The following SAFB2 variants were observed in gnomAD, a reference collection of about 807,000 sequenced individuals.
SAFB2 encodes the protein scaffold attachment factor B2.
A neutral mutation model predicts 100.6 loss-of-function variants in SAFB2; 32 were observed. The ratio of observed to expected loss-of-function variants is 0.32; its 90% CI spans 0.24 to 0.43. SAFB2 has a LOEUF of 0.43. Among genes scored for constraint, SAFB2 ranks in the 20% least tolerant of loss-of-function variants. The probability of loss-of-function intolerance (pLI) is 1.00; values close to 1 mark genes in which losing one functional copy is unlikely to be tolerated. For synonymous variants in SAFB2, 500 were observed against 439.4 expected (o/e 1.14, Z -1.72); for missense variants, 1,185 against 1,163.4 (o/e 1.02, Z -0.27).
At position 5,592,786 on chromosome 19, in the gene SAFB2, T is replaced by C. The variant is rs781245940; in HGVS notation, c.2309A>G (p.His770Arg). The C allele has an allele frequency of 6.2e-7, 1 of 1,614,210 alleles. No individual in the cohort carries two copies. The highest frequency in any genetic ancestry group is 1.1e-5 in the South Asian group (1 of 91,076). ...GTCCTGGTACTGGCCCCGGTCTCGA[T>C]GATCGAAGTCGTGAAAGCGGTGGTC... Reference protein sequence around the residue: ...RPDHRFHDFDHRDRGQYQDHA... With the variant: ...RPDHRFHDFDRRDRGQYQDHA... Residue 770 changes from histidine to arginine, a missense_variant, in exon 16 of 21, where the codon CAT becomes CGT. Transcript: ENST00000252542.
intron 1 of SAFB2, 98 bp from the exon 2 acceptor site, chr19:5,621,494 G>A (rs879103166): frequency 2.0e-5 from 17 of 846,760 alleles, no homozygotes; most frequent in Middle Eastern, 4.4e-4. Context: ...AGGCAAACCC[G>A]TCCTTGCAAA....
chr19:5,592,445 C>G (rs2052429986), intron 16 of SAFB2, among the ~76,000 whole-genome samples: 1 of 152,216 alleles, frequency 6.6e-6, no homozygotes, highest in Non-Finnish European at 1.5e-5. Flanking sequence ...GTTGTGCTGA[C>G]AAACACTGCT....
chr19:5,589,173 T>C (rs1218082969), intron 18 of SAFB2, among the ~76,000 whole-genome samples: 1 of 152,206 alleles, frequency 6.6e-6, no homozygotes, highest in South Asian at 2.1e-4. Context: ...GGTGACCCGA[T>C]GGCGCCCAGC....
chr19:5,610,308 A>C, intron 8 of SAFB2: 1 of 596,046 alleles, frequency 1.7e-6, no homozygotes, highest in Non-Finnish European at 3.0e-6. Context: ...AATCATGCCC[A>C]TGTCAGTTAT....
At chr19:5,614,179 C>T (rs1210134899) in intron 4 of SAFB2, among the ~76,000 whole-genome samples, 1 of 152,194 alleles carries the variant, frequency 6.6e-6, no homozygotes, top group South Asian at 2.1e-4. Flanking sequence ...TCTTGAACTC[C>T]TGACCTCAGG....
chr19:5,606,175 G>GT (rs917599945), intron 9 of SAFB2, among the ~76,000 whole-genome samples: 12 of 152,238 alleles, frequency 7.9e-5, no homozygotes, highest in African/African-American at 2.9e-4. Context: ...CTGCCCAGTG[G>GT]TGAGACAAAA....
chr19:5,594,021 G>A lies in SAFB2; in HGVS notation c.2077C>T (p.Arg693Cys), dbSNP rs1568209555. ...TCCTTCCTGCGCTCACGCTCCACGC[G>A]CATGCGCTCGCGCTCCAGCCGCTCC... ...ERERLERERMRVERERRKEQE... is the reference protein window; with the variant it reads ...ERERLERERMCVERERRKEQE... The change falls in exon 15 of 21, where the codon CGC becomes TGC. Residue 693 changes from arginine to cysteine, a missense_variant. Arg to Cys is a radical substitution (Grantham distance 180). Around this residue, in one of 3 missense-constraint regions of SAFB2, gnomAD observed 740 missense variants for 687.1 expected, o/e 1.08. Transcript: ENST00000252542. 2.6e-6 allele frequency: 4 copies of A among 1,566,276 alleles called. No homozygotes were observed. Among genetic ancestry groups the A allele is most frequent in the Non-Finnish European group, 2.6e-6 (3 of 1,163,026 alleles).
chr19:5,592,803 G>A lies in SAFB2; in HGVS notation c.2292C>T (p.Arg764=). ...GGTCTCGATGATCGAAGTCGTGAAAGCGGTGGTCTGGCCGGGGAAAGTCTG... is the reference window on the plus strand; with the variant it reads ...GGTCTCGATGATCGAAGTCGTGAAAACGGTGGTCTGGCCGGGGAAAGTCTG... ...YRADFPRPDH[R]FHDFDHRDRG... Residue 764 remains arginine (R), a synonymous_variant, in exon 16 of 21, where the codon CGC becomes CGT. Coordinates refer to ENST00000252542, the MANE Select transcript of SAFB2 (RefSeq NM_014649.3). 1 of 1,614,206 alleles carries A rather than the reference G, an allele frequency of 6.2e-7. No individual in the cohort carries two copies. The highest frequency in any genetic ancestry group is 1.3e-5 in the African/African-American group (1 of 75,070).
chr19:5,589,425 G>A (rs1279006792), intron 18 of SAFB2, among the ~76,000 whole-genome samples: 5 of 152,194 alleles, frequency 3.3e-5, no homozygotes, highest in Middle Eastern at 3.4e-3. Context: ...CTCTCAGCGC[G>A]GAGGGAGGGA....
chr19:5,613,499 A>G lies in SAFB2; in HGVS notation c.572T>C (p.Leu191Ser), dbSNP rs751576737. ...TTTGAAGTTCAACGATGAAGTTTCC[A>G]AAGTGTTCTTAAATCCTTCCCCATC... ...AVDGEGFKNT[L>S]ETSSLNFKVT... The change falls in exon 5 of 21, where the codon TTG (leucine) becomes TCG (serine). Residue 191 changes from leucine (L) to serine (S), a missense_variant. Around this residue, in one of 3 missense-constraint regions of SAFB2, gnomAD observed 351 missense variants for 341.2 expected, o/e 1.03. Transcript: ENST00000252542. 22 of 1,613,980 alleles carry G rather than the reference A, an allele frequency of 1.4e-5. No homozygotes were observed. In the African/African-American group the frequency reaches 1.5e-4, roughly 11 times the overall value.
In SAFB2 at chr19:5,592,876, G is replaced by A. The variant is rs142514717; in HGVS notation, c.2219C>T (p.Ala740Val). Reference protein sequence around the residue: ...RPYDLDRRDDAYWPEGKRVAM... With the variant: ...RPYDLDRRDDVYWPEGKRVAM... ...CACACGCTTTCCTTCTGGCCAATAGGCATCATCTCGTCTGTTGGTTTTTAT... is the reference window on the plus strand; with the variant it reads ...CACACGCTTTCCTTCTGGCCAATAGACATCATCTCGTCTGTTGGTTTTTAT... Residue 740 changes from alanine to valine, a missense_variant, in exon 16 of 21, where the codon GCC becomes GTC. Coordinates refer to ENST00000252542, the MANE Select transcript of SAFB2 (RefSeq NM_014649.3). 21 of 1,613,796 alleles carry A rather than the reference G, an allele frequency of 1.3e-5. No individual in the cohort carries two copies. The highest frequency in any genetic ancestry group is 6.7e-5 in the African/African-American group (5 of 74,902).
intron 11 of SAFB2, among the ~76,000 whole-genome samples, chr19:5,602,441 C>T (rs556350773): frequency 2.9e-4 from 38 of 129,918 alleles, no homozygotes; most frequent in Non-Finnish European, 5.4e-4. Flanking sequence ...GATTGCGCCA[C>T]TGCACTCCAG....
chr19:5,598,988 G>A, intron 12 of SAFB2, 104 bp from the exon 13 acceptor site: 1 of 966,484 alleles, frequency 1.0e-6, no homozygotes, highest in Non-Finnish European at 1.6e-6. Flanking sequence ...CACAAGGCGT[G>A]AGTCAAGTGA....
intron 17 of SAFB2, chr19:5,591,200 C>T (rs186257116): frequency 6.6e-6 from 1 of 150,620 alleles, no homozygotes; most frequent in Admixed American, 6.6e-5. Context: ...CTACCGGATA[C>T]AATGAAGAAC....
At chr19:5,612,760 C>G (rs1160518149) in intron 5 of SAFB2, among the ~76,000 whole-genome samples, 193 bp from the exon 6 acceptor site, 1 of 152,184 alleles carries the variant, frequency 6.6e-6, no homozygotes, top group Non-Finnish European at 1.5e-5. Context: ...TCCCTGGTAA[C>G]AGCAGGTCCC....
At chr19:5,603,840 G>A (rs2052715664) in intron 11 of SAFB2, among the ~76,000 whole-genome samples, 1 of 152,238 alleles carries the variant, frequency 6.6e-6, no homozygotes, top group Non-Finnish European at 1.5e-5. Context: ...CACTAGACCA[G>A]GCTAAATTCC....
In SAFB2 at chr19:5,616,377, G is replaced by A. The variant is rs1358809007; in HGVS notation, c.340-42C>T. On this transcript the variant is annotated intron_variant, in intron 3 of 20. Coordinates refer to ENST00000252542, the MANE Select transcript of SAFB2 (RefSeq NM_014649.3). The stretch of plus-strand genomic sequence containing the variant: ...GAATCGTTAACGACCACCTGGACCA[G>A]GACAGGGAGCTGCTGCTTGTCATCT... The A allele has an allele frequency of 1.9e-6, 3 of 1,613,900 alleles. No individual in the cohort carries two copies. In the Admixed American group the frequency reaches 5.0e-5, roughly 27 times the overall value.
At chr19:5,622,391 G>T in intron 1 of SAFB2, 139 bp downstream of exon 1, 2 of 771,684 alleles carry the variant, frequency 2.6e-6, no homozygotes, top group Non-Finnish European at 3.8e-6. Flanking sequence ...GGCCCCCTGG[G>T]TGCCCGACAC....
At position 5,616,072 on chromosome 19, in the gene SAFB2, C is replaced by T. The variant is rs753547506; in HGVS notation, c.543+60G>A. 1.2e-5 allele frequency: 18 copies of T among 1,520,454 alleles called. No individual in the cohort carries two copies. The African/African-American group carries it at 1.2e-4, about 10-fold the overall frequency. 94.2% of individuals were successfully genotyped at this position (1,520,454 alleles called of 1,614,324 possible). A position where few individuals can be genotyped will look rare whatever the true frequency, so the allele number is the denominator to read the frequency against. On this transcript the variant is annotated intron_variant, in intron 4 of 20. Transcript: ENST00000252542. ...TGTGTTCTCCCTCACACGAGCAGCA[C>T]GCGAGCACCAGGTGCCTCGGGGCTA... is the stretch of plus-strand genomic sequence containing the variant.
Sources: gnomAD v4.1 joint callset for allele counts (sites outside exome capture counted in the v4.1 genomes callset) on GRCh38, gnomAD v4.1.1 for gene constraint, gnomAD v4.1.1 regional missense constraint, MANE v1.5 for transcripts, NCBI Gene and HGNC (gene_info 2026-07-23, HGNC 2026-07-21) for gene names.